Variants in NLGN3 observed in about 807,000 individuals in gnomAD.
NLGN3 encodes neuroligin-3.
NLGN3 carries 11 observed loss-of-function variants against 42.9 expected under a neutral mutation model. The observed-to-expected ratio is 0.26, with a 90% CI of 0.16 to 0.42. The LOEUF (loss-of-function observed/expected upper bound fraction) is 0.42. Ranked by LOEUF, NLGN3 falls within the 10% of genes least tolerant of loss-of-function variation. NLGN3 has a pLI of 1.00. For missense variants in NLGN3, 374 were observed against 733.8 expected (o/e 0.51, Z 5.67); for synonymous variants, 279 against 312.7 (o/e 0.89, Z 1.14).
chrX:71,166,963 C>T (rs2092449218), intron 6 of NLGN3, 48 bp from the exon 7 acceptor site: 1 of 1,053,361 alleles, frequency 9.5e-7, no homozygotes, highest in Admixed American at 2.6e-5. Flanking sequence ...AGATTTATGG[C>T]TATGTGTGAC....
Position 71,170,660 on chromosome X carries a change from C to T in NLGN3, c.*563C>T. 3.9e-6 allele frequency: 3 copies of T among 770,123 alleles called. No individual in the cohort carries two copies. The highest frequency in any genetic ancestry group is 4.6e-6 in the Non-Finnish European group (3 of 648,234). 63.5% of individuals were successfully genotyped at this position (770,123 alleles called of 1,213,427 possible). ...GGGAGGGCTTCAGGCCCGAAGGTCT[C>T]TCTGGCTCTAGGACCCCCAGTGCTC... On this transcript the variant is annotated 3_prime_UTR_variant, in exon 8 of 8. Transcript: ENST00000358741.
chrX:71,164,545 G>A (rs1179520874), intron 6 of NLGN3, among the ~76,000 whole-genome samples: 1 of 112,695 alleles, frequency 8.9e-6, no homozygotes, highest in Non-Finnish European at 1.9e-5. Context: ...TCCTGGGAAA[G>A]CAAGATTCTC....
chrX:71,153,611 C>T (rs2092398415), intron 4 of NLGN3, 75 bp downstream of exon 4: 5 of 916,398 alleles, frequency 5.5e-6, no homozygotes, highest in East Asian at 3.3e-5. Context: ...GGAGAAGCCC[C>T]GTCTGTCTGT....
intron 2 of NLGN3, 48 bp downstream of exon 2, chrX:71,148,254 C>A (rs1175090988): frequency 2.9e-6 from 3 of 1,040,378 alleles, no homozygotes. Flanking sequence ...CCCGCCTGCC[C>A]TGCTGTGTTT....
At chrX:71,174,115 A>G (rs2092475027), downstream of NLGN3, among the ~76,000 whole-genome samples, 1 of 112,144 alleles carries the variant, frequency 8.9e-6, no homozygotes, top group African/African-American at 3.2e-5. Context: ...TGGTGGAAAA[A>G]CAAAACCTCC....
rs140812539 is a variant in NLGN3, at chrX:71,155,887, C to T, written c.727+524C>T. Among the ~76,000 whole-genome samples, 1,046 of 111,023 alleles carry T rather than the reference C, an allele frequency of 9.4e-3. 10 individuals are homozygous for T. The highest frequency in any genetic ancestry group is 0.014 in the Non-Finnish European group (739 of 52,892). ...CCCACATTCACATCTCCAGGCCCCTCACATGTAAACACATTCTCCTAGCAC... is the reference window on the plus strand; with the variant it reads ...CCCACATTCACATCTCCAGGCCCCTTACATGTAAACACATTCTCCTAGCAC... On this transcript the variant is annotated intron_variant, in intron 5 of 7. Coordinates refer to ENST00000358741, the MANE Select transcript of NLGN3 (RefSeq NM_181303.2).
intron 1 of NLGN3, among the ~76,000 whole-genome samples, chrX:71,147,163 A>G (rs746367457): frequency 9.0e-6 from 1 of 111,396 alleles, no homozygotes; most frequent in Non-Finnish European, 1.9e-5. Context: ...CCAGGTCCCA[A>G]GGGCTACACA....
At chrX:71,154,591 G>A (rs753466494) in intron 4 of NLGN3, among the ~76,000 whole-genome samples, 2 of 112,020 alleles carry the variant, frequency 1.8e-5, no homozygotes, top group Non-Finnish European at 3.8e-5. Context: ...GTCTGCCCAG[G>A]GAGAATGGGG....
At position 71,164,174 on chromosome X, in the gene NLGN3, G is replaced by A. The variant is rs756593582; in HGVS notation, c.759G>A (p.Lys253=). The part of the protein sequence containing the change: ...GFLSTGDQAA[K]GNYGLLDQIQ... ...TGAGTACTGGAGATCAGGCTGCCAAGGGCAACTATGGGCTCCTTGACCAGA... is the reference window on the plus strand; with the variant it reads ...TGAGTACTGGAGATCAGGCTGCCAAAGGCAACTATGGGCTCCTTGACCAGA... The change falls in exon 6 of 8, where the codon AAG becomes AAA. Residue 253 remains lysine (K), a synonymous_variant. Transcript: ENST00000358741. 16 of 1,211,662 alleles carry A rather than the reference G, an allele frequency of 1.3e-5. No homozygotes were observed. The highest frequency in any genetic ancestry group is 1.6e-5 in the Non-Finnish European group (14 of 895,502).
At chrX:71,151,316 G>T (rs763066955) in intron 3 of NLGN3, among the ~76,000 whole-genome samples, 1 of 100,894 alleles carries the variant, frequency 9.9e-6, no homozygotes, top group South Asian at 4.4e-4. Flanking sequence ...TCTAAAAAAA[G>T]AAAAAAAAAA....
chrX:71,147,982 C>T lies in NLGN3; in HGVS notation c.233C>T (p.Pro78Leu). 1 of 1,207,867 alleles carries T rather than the reference C, an allele frequency of 8.3e-7. No homozygotes were observed. Among genetic ancestry groups the T allele is most frequent in the Non-Finnish European group, 1.1e-6 (1 of 892,722 alleles). ...QYLGVPYAAPPIGEKRFLPPE... is the reference protein window; with the variant it reads ...QYLGVPYAAPLIGEKRFLPPE... ...CTGGGGGTGCCCTACGCAGCTCCCCCGATCGGCGAGAAACGTTTCCTGCCC... is the reference window on the plus strand; with the variant it reads ...CTGGGGGTGCCCTACGCAGCTCCCCTGATCGGCGAGAAACGTTTCCTGCCC... The change falls in exon 2 of 8, where the codon CCG (proline) becomes CTG (leucine). Residue 78 changes from proline to leucine, a missense_variant. By Grantham distance (98) the Pro-to-Leu change is moderately conservative (BLOSUM62 -3). Coordinates refer to ENST00000358741, the MANE Select transcript of NLGN3 (RefSeq NM_181303.2).
In NLGN3 at chrX:71,155,203, TCTC is replaced by T; in HGVS notation, c.578-8_578-6del. ...CCCACCCAGCCTGTGTCTCACCCCT[TCTC>T]CTTGCAGACATCCGGGACAGTGGTG... On this transcript the variant is annotated splice_polypyrimidine_tract_variant and splice_region_variant and intron_variant, in intron 4 of 7. Coordinates refer to ENST00000358741, the MANE Select transcript of NLGN3 (RefSeq NM_181303.2). 2 of 1,211,315 alleles carry T rather than the reference TCTC, an allele frequency of 1.7e-6. No individual in the cohort carries two copies. The highest frequency in any genetic ancestry group is 3.5e-5 in the South Asian group (2 of 56,935).
intron 1 of NLGN3, among the ~76,000 whole-genome samples, chrX:71,146,871 A>G (rs2092372538): frequency 9.0e-6 from 1 of 111,585 alleles, no homozygotes; most frequent in Non-Finnish European, 1.9e-5. Context: ...TTTCTGCCTC[A>G]CTTCTGGAAT....
chrX:71,166,197 C>T (rs1447881463), intron 6 of NLGN3, among the ~76,000 whole-genome samples: 1 of 111,148 alleles, frequency 9.0e-6, no homozygotes. Context: ...TGGCTCACGC[C>T]TGTAACCCCA....
intron 3 of NLGN3, among the ~76,000 whole-genome samples, chrX:71,150,279 TCA>T (rs946256115): frequency 5.4e-5 from 6 of 111,903 alleles, no homozygotes; most frequent in African/African-American, 2.0e-4. Context: ...TGCTGCCAAC[TCA>T]CAGTGAGACC....
At chrX:71,169,131 A>G (rs747886821) in intron 7 of NLGN3, 123 bp from the exon 8 acceptor site, 1 of 836,635 alleles carries the variant, frequency 1.2e-6, no homozygotes, top group African/African-American at 2.0e-5. Flanking sequence ...GGGGACCCTG[A>G]AAAAGATGGA....
intron 1 of NLGN3, among the ~76,000 whole-genome samples, chrX:71,146,164 CACACACAG>C (rs762490513): frequency 0.026 from 1,248 of 47,820 alleles, 45 homozygotes; most frequent in Admixed American, 0.11. Context: ...CACACACACA[CACACACAG>C]ACACACACAC....
Position 71,167,399 on chromosome X carries a change from C to T in NLGN3, c.1302C>T (p.Ser434=). The T allele has an allele frequency of 8.3e-7, 1 of 1,211,588 alleles. No individual in the cohort carries two copies. Among genetic ancestry groups the T allele is most frequent in the Non-Finnish European group, 1.1e-6 (1 of 895,467 alleles). The change falls in exon 7 of 8, where the codon TCC becomes TCT. Residue 434 remains serine (S), a synonymous_variant. Coordinates refer to ENST00000358741, the MANE Select transcript of NLGN3 (RefSeq NM_181303.2). The part of the protein sequence containing the change: ...VSGTDFDYSV[S]NFVDNLYGYP... ...GCACTGACTTTGACTATTCCGTCTC[C>T]AATTTTGTGGACAATCTGTATGGCT... is the stretch of plus-strand genomic sequence containing the variant.
chrX:71,168,823 A>AG (rs1556351461), intron 7 of NLGN3, among the ~76,000 whole-genome samples: 2 of 45,206 alleles, frequency 4.4e-5, no homozygotes, highest in African/African-American at 2.2e-4. Flanking sequence ...AGAAAAAAAA[A>AG]AGAAAGAAAG....
Sources: gnomAD v4.1 joint callset for allele counts (sites outside exome capture counted in the v4.1 genomes callset) on GRCh38, gnomAD v4.1.1 for gene constraint, MANE v1.5 for transcripts, NCBI Gene and HGNC (gene_info 2026-07-23, HGNC 2026-07-21) for gene names.